The following LRRC3B variants were observed in gnomAD, a reference collection of about 807,000 sequenced individuals.
LRRC3B encodes the protein leucine-rich repeat-containing protein 3B.
LRRC3B carries 2 observed loss-of-function variants against 12.8 expected under a neutral mutation model. The ratio of observed to expected loss-of-function variants is 0.16; its 90% CI spans 0.06 to 0.49. LRRC3B has a LOEUF of 0.49. Ranked by LOEUF, LRRC3B falls within the 20% of genes least tolerant of loss-of-function variation. The pLI is 0.96. For synonymous variants in LRRC3B, 132 were observed against 122.0 expected (o/e 1.08, Z -0.54); for missense variants, 189 against 319.4 (o/e 0.59, Z 3.11).
rs370070295 is a variant in LRRC3B, at chr3:26,663,543, C to G, written c.-161+40306C>G. On this transcript the variant is annotated intron_variant, in intron 1 of 1. Coordinates refer to ENST00000396641, the Ensembl canonical transcript of LRRC3B. The stretch of plus-strand genomic sequence containing the variant: ...TGGTGTTTTTGTTGATTAGGCAATT[C>G]TATATCAGTACTAGTCAGAGGTGCC... Among the ~76,000 whole-genome samples, 11 of 152,110 alleles carry G rather than the reference C, an allele frequency of 7.2e-5. No individual in the cohort carries two copies. In the South Asian group the frequency reaches 1.4e-3, roughly 20 times the overall value.
chr3:26,646,621 A>C (rs139892357), intron 1 of LRRC3B, among the ~76,000 whole-genome samples: 31,665 of 137,884 alleles, frequency 0.23, 5,178 homozygotes, highest in African/African-American at 0.44. Flanking sequence ...AAAAAAAAAA[A>C]AAAAAAAAAA....
At chr3:26,653,442 T>C (rs934083460) in intron 1 of LRRC3B, among the ~76,000 whole-genome samples, 4 of 152,214 alleles carry the variant, frequency 2.6e-5, no homozygotes, top group African/African-American at 9.6e-5. Flanking sequence ...TCAGATGATG[T>C]TGCAGAAATT....
intron 1 of LRRC3B, among the ~76,000 whole-genome samples, chr3:26,683,063 C>G (rs1018294202): frequency 3.3e-5 from 5 of 152,134 alleles, no homozygotes; most frequent in Admixed American, 1.3e-4. Context: ...GTCACACTTA[C>G]TTGGTTACAA....
intron 1 of LRRC3B, among the ~76,000 whole-genome samples, chr3:26,632,608 T>G (rs990142268): frequency 6.6e-6 from 1 of 152,072 alleles, no homozygotes; most frequent in East Asian, 1.9e-4. Context: ...AAAGGATTTG[T>G]AGAACTATTG....
chr3:26,655,035 T>G (rs575661003), intron 1 of LRRC3B, among the ~76,000 whole-genome samples: 1 of 152,276 alleles, frequency 6.6e-6, no homozygotes, highest in Non-Finnish European at 1.5e-5. Context: ...TTCATTTATT[T>G]ATCAATCTAC....
At chr3:26,704,355 G>A (rs1700531324) in intron 1 of LRRC3B, among the ~76,000 whole-genome samples, 1 of 152,036 alleles carries the variant, frequency 6.6e-6, no homozygotes, top group African/African-American at 2.4e-5. Flanking sequence ...CTCTTATCAA[G>A]TGTTTGAGAA....
chr3:26,654,636 A>G (rs938046683), intron 1 of LRRC3B, among the ~76,000 whole-genome samples: 2 of 152,206 alleles, frequency 1.3e-5, no homozygotes, highest in South Asian at 4.1e-4. Context: ...GAAAGTGTGT[A>G]GTGGGACAGT....
rs145159705 is a variant in LRRC3B at position 26,643,181 on chromosome 3, T to C, written c.-161+19944T>C. ...TTCTCCTTGGGGCTGGACACATTCATGGTTGTAAGAGGACTTGGGAGGGAC... is the reference window on the plus strand; with the variant it reads ...TTCTCCTTGGGGCTGGACACATTCACGGTTGTAAGAGGACTTGGGAGGGAC... On this transcript the variant is annotated intron_variant, in intron 1 of 1. Transcript: ENST00000396641. 3.6e-3 allele frequency among the ~76,000 whole-genome samples: 545 copies of C among 152,086 alleles called. 4 individuals carry two copies. The highest frequency in any genetic ancestry group is 0.014 in the Middle Eastern group (4 of 294).
chr3:26,649,781 G>A (rs1262985871), intron 1 of LRRC3B, among the ~76,000 whole-genome samples: 8 of 152,124 alleles, frequency 5.3e-5, no homozygotes, highest in Non-Finnish European at 1.2e-4. Flanking sequence ...TGGCATCTAA[G>A]GCCACCCTAT....
Position 26,671,413 on chromosome 3 carries a change from G to GAGAGAGAGAGGGAGAGAGAGAGAC in LRRC3B, c.-160-38099_-160-38098insGAGAGAGAGGGAGAGAGAGAGACA, listed in dbSNP as rs9331540. ...AGAGAGAGAGAGAGAGAGAGAGAGA[G>GAGAGAGAGAGGGAGAGAGAGAGAC]ACGAAGTCTTGCTCTGTCGCCAGGC... On this transcript the variant is annotated intron_variant, in intron 1 of 1. Transcript: ENST00000396641. 1.2e-4 allele frequency among the ~76,000 whole-genome samples: 12 copies of GAGAGAGAGAGGGAGAGAGAGAGAC among 99,384 alleles called. 2 individuals are homozygous for GAGAGAGAGAGGGAGAGAGAGAGAC. The highest frequency in any genetic ancestry group is 3.6e-4 in the Admixed American group (3 of 8,318). 65.2% of individuals were successfully genotyped at this position (99,384 alleles called of 152,430 possible).
chr3:26,685,651 T>A (rs1700072768), intron 1 of LRRC3B, among the ~76,000 whole-genome samples: 1 of 9,992 alleles, frequency 1.0e-4, no homozygotes, highest in Non-Finnish European at 1.4e-4. Context: ...ACCTCATTTT[T>A]AAAAACTACT....
At chr3:26,649,937 C>T (rs1699230445) in intron 1 of LRRC3B, among the ~76,000 whole-genome samples, 1 of 152,192 alleles carries the variant, frequency 6.6e-6, no homozygotes, top group African/African-American at 2.4e-5. Flanking sequence ...CCCTCTTTCC[C>T]TCTACTTATC....
intron 1 of LRRC3B, among the ~76,000 whole-genome samples, chr3:26,636,895 T>TTC (rs1309619894): frequency 1.5e-4 from 15 of 101,880 alleles, no homozygotes; most frequent in Non-Finnish European, 2.1e-4. Context: ...CCTTTCTCTC[T>TTC]CTCTCTCTTT....
intron 1 of LRRC3B, among the ~76,000 whole-genome samples, chr3:26,680,184 C>T (rs1699942803): frequency 6.6e-6 from 1 of 152,186 alleles, no homozygotes; most frequent in South Asian, 2.1e-4. Context: ...GCAAATATTA[C>T]AAAGCCCGCC....
exon 2 of LRRC3B, chr3:26,710,594 TAACA>T (rs1303024808): frequency 5.1e-6 from 4 of 791,302 alleles, no homozygotes; most frequent in Non-Finnish European, 7.8e-6. Context: ...GCTGAACTTT[TAACA>T]AACACTACAA....
At chr3:26,633,112 T>G (rs530225932) in intron 1 of LRRC3B, among the ~76,000 whole-genome samples, 1 of 152,300 alleles carries the variant, frequency 6.6e-6, no homozygotes, top group African/African-American at 2.4e-5. Flanking sequence ...CTGCCTCCAC[T>G]GCCATTCCCT....
chr3:26,652,237 G>T (rs1053562218), intron 1 of LRRC3B, among the ~76,000 whole-genome samples: 2 of 152,228 alleles, frequency 1.3e-5, no homozygotes, highest in Admixed American at 6.5e-5. Flanking sequence ...AATAACACCT[G>T]CATGATCAAC....
intron 1 of LRRC3B, among the ~76,000 whole-genome samples, chr3:26,646,598 TAAAAAAAA>T (rs529066996): frequency 4.0e-5 from 4 of 99,660 alleles, no homozygotes; most frequent in Admixed American, 1.1e-4. Flanking sequence ...GGATAGGAGG[TAAAAAAAA>T]AAAAAAAAAA....
rs1001443815 is a variant in LRRC3B, at chr3:26,645,757, A to G, written c.-161+22520A>G. ...GAATGGATGTATTTCAAAAATTGCA[A>G]TCTTGTAATGGAAAAAAAATTATGA... is the stretch of plus-strand genomic sequence containing the variant. On this transcript the variant is annotated intron_variant, in intron 1 of 1. Transcript: ENST00000396641. 3.3e-5 allele frequency among the ~76,000 whole-genome samples: 5 copies of G among 151,944 alleles called. No homozygotes were observed. In the East Asian group the frequency reaches 5.8e-4, roughly 18 times the overall value.
Sources: gnomAD v4.1 joint callset for allele counts (sites outside exome capture counted in the v4.1 genomes callset) on GRCh38, gnomAD v4.1.1 for gene constraint, MANE v1.5 for transcripts, NCBI Gene and HGNC (gene_info 2026-07-23, HGNC 2026-07-21) for gene names.